Variants in NPAT observed in about 807,000 individuals in gnomAD.
NPAT encodes the protein nuclear protein, coactivator of histone transcription.
A neutral mutation model predicts 130.7 loss-of-function variants in NPAT; 52 were observed. That is an observed-to-expected ratio of 0.40 (90% CI 0.32 to 0.50). The LOEUF is 0.50. Ranked by LOEUF, NPAT falls within the 20% of genes least tolerant of loss-of-function variation. The pLI, the probability that NPAT is intolerant of heterozygous loss-of-function variation, is 0.68. For synonymous variants in NPAT, 580 were observed against 584.8 expected (o/e 0.99, Z 0.12); for missense variants, 1,687 against 1,662.6 (o/e 1.01, Z -0.26).
At chr11:108,206,525 C>T (rs2078326706) in intron 1 of NPAT, among the ~76,000 whole-genome samples, 1 of 152,168 alleles carries the variant, frequency 6.6e-6, no homozygotes, top group African/African-American at 2.4e-5. Context: ...GTGGCTTCCA[C>T]TGTGGGTACT....
At chr11:108,202,513 A>T (rs1247853158) in intron 1 of NPAT, among the ~76,000 whole-genome samples, 1 of 152,168 alleles carries the variant, frequency 6.6e-6, no homozygotes, top group African/African-American at 2.4e-5. Context: ...AGCAAACTTC[A>T]TCTACCAGCT....
intron 1 of NPAT, among the ~76,000 whole-genome samples, chr11:108,212,790 C>CA (rs1029972489): frequency 1.3e-5 from 2 of 150,404 alleles, no homozygotes; most frequent in East Asian, 2.0e-4. Flanking sequence ...ACTAAAAATA[C>CA]AAAAAAATGA....
Position 108,222,631 on chromosome 11 carries a change from G to A in NPAT, c.-95C>T. 2.9e-6 allele frequency: 4 copies of A among 1,378,902 alleles called. No individual in the cohort carries two copies. The highest frequency in any genetic ancestry group is 4.1e-6 in the Non-Finnish European group (4 of 980,550). The allele number at this position is 1,378,902 out of a possible 1,614,324, so 85.4% of individuals were successfully genotyped here. On this transcript the variant is annotated 5_prime_UTR_variant, in exon 1 of 18. Coordinates refer to ENST00000278612, the MANE Select transcript of NPAT (RefSeq NM_002519.3). ...TGCGCCGCATCTCCTGGTTCCAGTG[G>A]CGGCACTGAACTCGCGGCAATTTGT...
chr11:108,173,408 G>C lies in NPAT; in HGVS notation c.1576C>G (p.Leu526Val), dbSNP rs201294142. Reference sequence around the variant, plus strand: ...AAAAGTTGAGAACTCTTCCCAGAGAGAATTAAGTTTTCATTGTTAGCTTCA... The same window carrying C: ...AAAAGTTGAGAACTCTTCCCAGAGACAATTAAGTTTTCATTGTTAGCTTCA... ...GCEANNENLI[L>V]SGKSSQLLSQ... is the part of the protein sequence containing the mutation. Residue 526 changes from leucine (L) to valine (V), a missense_variant, in exon 13 of 18, where the codon CTC (leucine) becomes GTC (valine). Physicochemically the swap from Leu to Val is conservative, Grantham distance 32. Coordinates refer to ENST00000278612, the MANE Select transcript of NPAT (RefSeq NM_002519.3). The C allele has an allele frequency of 1.9e-6, 3 of 1,614,108 alleles. No individual in the cohort carries two copies. Among genetic ancestry groups the C allele is most frequent in the Non-Finnish European group, 2.5e-6 (3 of 1,179,982 alleles).
chr11:108,208,898 A>G (rs1440335138), intron 1 of NPAT, among the ~76,000 whole-genome samples: 1 of 152,240 alleles, frequency 6.6e-6, no homozygotes, highest in African/African-American at 2.4e-5. Context: ...CCGACCATAT[A>G]TTAGGACATG....
chr11:108,213,465 T>C (rs1277444718), intron 1 of NPAT, among the ~76,000 whole-genome samples: 1 of 152,128 alleles, frequency 6.6e-6, no homozygotes, highest in Non-Finnish European at 1.5e-5. Context: ...AGTAAAGGAC[T>C]TGCATACTAA....
rs775724349 is a variant in NPAT at position 108,162,109 on chromosome 11, T to G, written c.3071+11A>C. On this transcript the variant is annotated intron_variant, in intron 16 of 17. Transcript: ENST00000278612. ...TCAAACAATCTATGATAGAAACTAC[T>G]TTATACTCACTTTTGTGCATGACAT... is the stretch of plus-strand genomic sequence containing the variant. 2.4e-5 allele frequency: 38 copies of G among 1,613,432 alleles called. No homozygotes were observed. Among genetic ancestry groups the G allele is most frequent in the Admixed American group, 3.3e-5 (2 of 59,998 alleles).
At chr11:108,214,720 C>T (rs571523172) in intron 1 of NPAT, among the ~76,000 whole-genome samples, 1 of 151,322 alleles carries the variant, frequency 6.6e-6, no homozygotes, top group South Asian at 2.1e-4. Context: ...GCAACCTCTG[C>T]CTCCCAGGTT....
At chr11:108,216,715 C>T (rs1041354221) in intron 1 of NPAT, among the ~76,000 whole-genome samples, 1 of 152,148 alleles carries the variant, frequency 6.6e-6, no homozygotes. Flanking sequence ...ATAGCACACA[C>T]ATGAGATGGG....
At chr11:108,180,016 G>C (rs1298697045) in intron 10 of NPAT, among the ~76,000 whole-genome samples, 1 of 152,124 alleles carries the variant, frequency 6.6e-6, no homozygotes, top group Non-Finnish European at 1.5e-5. Context: ...CTGATAAGGG[G>C]TTAATATCAA....
Position 108,161,032 on chromosome 11 carries a change from G to A in NPAT, c.4054C>T (p.Leu1352=). The A allele has an allele frequency of 6.2e-7, 1 of 1,614,112 alleles. No individual in the cohort carries two copies. Among genetic ancestry groups the A allele is most frequent in the Non-Finnish European group, 8.5e-7 (1 of 1,180,018 alleles). Residue 1352 remains leucine, a synonymous_variant, in exon 17 of 18, where the codon CTG becomes TTG. Coordinates refer to ENST00000278612, the MANE Select transcript of NPAT (RefSeq NM_002519.3). ...AISRTTSATP[L]KDNTQQFRAS... is the part of the protein sequence containing the mutation. ...CTAAACTGTTGTGTGTTATCTTTCA[G>A]AGGAGTTGCTGAAGTAGTCCTAGAA...
At position 108,177,000 on chromosome 11, in the gene NPAT, C is replaced by CA. The variant is rs1489590768; in HGVS notation, c.996dup (p.Asp333Ter). On this transcript the variant is annotated frameshift_variant, in exon 11 of 18. Transcript: ENST00000278612. LOFTEE classifies it high-confidence loss of function. ...AAATAAATAGTCTCCTTACCATAGT[C>CA]AAAGAGATCAAAGAGTGCCTGAAAT... is the stretch of plus-strand genomic sequence containing the variant. 4 of 1,599,400 alleles carry CA rather than the reference C, an allele frequency of 2.5e-6. No individual in the cohort carries two copies. Among genetic ancestry groups the CA allele is most frequent in the Non-Finnish European group, 2.6e-6 (3 of 1,166,936 alleles).
rs1355888777 is a variant in NPAT at position 108,173,506 on chromosome 11, T to C, written c.1478A>G (p.Asn493Ser). The change falls in exon 13 of 18, where the codon AAT becomes AGT. Residue 493 changes from asparagine to serine, a missense_variant. Transcript: ENST00000278612. ...IGIEKNSLSSNVPSESQLQPD... is the reference protein window; with the variant it reads ...IGIEKNSLSSSVPSESQLQPD... ...CTGTAACTGAGATTCACTCGGTACA[T>C]TTGAAGACAAAGAGTTCTTTTCAAT... is the stretch of plus-strand genomic sequence containing the variant. The C allele has an allele frequency of 1.2e-6, 2 of 1,614,186 alleles. No homozygotes were observed. Among genetic ancestry groups the C allele is most frequent in the Admixed American group, 3.3e-5 (2 of 60,026 alleles).
intron 1 of NPAT, among the ~76,000 whole-genome samples, chr11:108,204,045 A>G (rs2078300460): frequency 6.6e-6 from 1 of 152,202 alleles, no homozygotes; most frequent in African/African-American, 2.4e-5. Context: ...GAGAGATCAG[A>G]CTGCTGTTTT....
At chr11:108,218,402 C>T (rs1187316391) in intron 1 of NPAT, among the ~76,000 whole-genome samples, 14 of 152,096 alleles carry the variant, frequency 9.2e-5, no homozygotes, top group Admixed American at 9.2e-4. Flanking sequence ...GATAGTAAAG[C>T]ACGCTATGTG....
Position 108,177,118 on chromosome 11 carries a change from T to C in NPAT, c.907-28A>G, listed in dbSNP as rs184680655. The stretch of plus-strand genomic sequence containing the variant: ...GCAAGAAAGGAGTGGCGTGAAGGCA[T>C]GATTCTAACTGAATTTATATATATT... On this transcript the variant is annotated intron_variant, in intron 10 of 17. Transcript: ENST00000278612. 2.0e-5 allele frequency: 23 copies of C among 1,152,500 alleles called. No homozygotes were observed. The East Asian group carries it at 4.7e-4, about 24-fold the overall frequency. The allele number at this position is 1,152,500 out of a possible 1,614,324, so 71.4% of individuals were successfully genotyped here.
At position 108,161,744 on chromosome 11, in the gene NPAT, A is replaced by G; in HGVS notation, c.3342T>C (p.Ala1114=). The G allele has an allele frequency of 6.2e-7, 1 of 1,613,770 alleles. No homozygotes were observed. Among genetic ancestry groups the G allele is most frequent in the East Asian group, 2.2e-5 (1 of 44,884 alleles). The part of the protein sequence containing the change: ...SSTLKPPSNN[A]IKREKEKPPL... ...GAGGCTTCTCTTTCTCTCTTTTGAT[A>G]GCATTATTAGAAGGGGGTTTTAAGG... is the stretch of plus-strand genomic sequence containing the variant. Residue 1114 remains alanine (A), a synonymous_variant, in exon 17 of 18, where the codon GCT becomes GCC. Coordinates refer to ENST00000278612, the MANE Select transcript of NPAT (RefSeq NM_002519.3).
At chr11:108,181,573 A>G (rs934905082) in intron 10 of NPAT, among the ~76,000 whole-genome samples, 4 of 152,220 alleles carry the variant, frequency 2.6e-5, no homozygotes, top group Admixed American at 6.5e-5. Flanking sequence ...CGTAAATTAT[A>G]TATTTTATTT....
At chr11:108,166,759 A>G (rs1329092201) in intron 15 of NPAT, among the ~76,000 whole-genome samples, 1 of 152,092 alleles carries the variant, frequency 6.6e-6, no homozygotes, top group Non-Finnish European at 1.5e-5. Context: ...CTAGTCATGG[A>G]CTTTTATTCT....
Sources: allele counts gnomAD v4.1 joint callset (sites outside exome capture counted in the v4.1 genomes callset), GRCh38; gene constraint gnomAD v4.1.1; transcripts MANE v1.5; gene names NCBI Gene and HGNC (gene_info 2026-07-23, HGNC 2026-07-21).